The following KIF13B variants were observed in gnomAD, a reference collection of about 807,000 sequenced individuals.
KIF13B encodes kinesin family member 13B.
KIF13B carries 127 observed loss-of-function variants against 222.0 expected under a neutral mutation model. The observed-to-expected ratio is 0.57, with a 90% CI of 0.50 to 0.66. The LOEUF (loss-of-function observed/expected upper bound fraction) is 0.66, where lower values mean the gene tolerates loss of function less well. Ranked by LOEUF, KIF13B falls within the 30% of genes least tolerant of loss-of-function variation. The pLI, the probability that KIF13B is intolerant of heterozygous loss-of-function variation, is 0.00. For synonymous variants in KIF13B, 976 were observed against 919.0 expected (o/e 1.06, Z -1.12); for missense variants, 2,173 against 2,379.0 (o/e 0.91, Z 1.80).
intron 2 of KIF13B, among the ~76,000 whole-genome samples, chr8:29,237,726 T>C (rs905782310): frequency 6.6e-6 from 1 of 152,188 alleles, no homozygotes; most frequent in African/African-American, 2.4e-5. Context: ...TTTGCAAAAT[T>C]TGTATTTGCT....
intron 37 of KIF13B, among the ~76,000 whole-genome samples, chr8:29,088,050 G>C (rs1302288600): frequency 6.6e-6 from 1 of 151,946 alleles, no homozygotes. Context: ...GGCGGATCAC[G>C]ACATCAAGAG....
At chr8:29,245,138 AATTACTACCTCTAATACTC>A (rs1490928157) in intron 2 of KIF13B, among the ~76,000 whole-genome samples, 189 bp downstream of exon 2, 3 of 152,154 alleles carry the variant, frequency 2.0e-5, no homozygotes, top group Non-Finnish European at 4.4e-5. Context: ...CTTCTAATAC[AATTACTACCTCTAATACTC>A]ATTCAGGCAC....
At chr8:29,130,475 C>T in intron 24 of KIF13B, 58 bp downstream of exon 24, 8 of 1,559,696 alleles carry the variant, frequency 5.1e-6, no homozygotes, top group Non-Finnish European at 7.0e-6. Context: ...TAAAAAGAAG[C>T]CAATATTAAG....
chr8:29,230,949 G>A (rs1431724348), intron 2 of KIF13B, among the ~76,000 whole-genome samples: 1 of 152,072 alleles, frequency 6.6e-6, no homozygotes, highest in Non-Finnish European at 1.5e-5. Flanking sequence ...ACACCATCAC[G>A]GCTCACTGCA....
In KIF13B at chr8:29,070,860, T is replaced by G. The variant is rs1345892692; in HGVS notation, c.5219-94A>C. The G allele has an allele frequency of 2.2e-5, 30 of 1,352,916 alleles. No individual in the cohort carries two copies. The highest frequency in any genetic ancestry group is 3.1e-5 in the Non-Finnish European group (30 of 977,764). 83.8% of individuals were successfully genotyped at this position (1,352,916 alleles called of 1,614,324 possible). On this transcript the variant is annotated intron_variant, in intron 39 of 39. Coordinates refer to ENST00000524189, the MANE Select transcript of KIF13B (RefSeq NM_015254.4). The surrounding 1 kb of genome is among the most constrained non-coding windows in gnomAD (Gnocchi z 4.1). ...CTCTGCAGAGGCCATGTGCCCACACTGCCACCCCCCCGCACAGGCCCTACA... is the reference window on the plus strand; with the variant it reads ...CTCTGCAGAGGCCATGTGCCCACACGGCCACCCCCCCGCACAGGCCCTACA...
intron 35 of KIF13B, among the ~76,000 whole-genome samples, chr8:29,103,288 G>A (rs1586780410): frequency 1.3e-5 from 2 of 150,090 alleles, no homozygotes; most frequent in South Asian, 4.2e-4. Context: ...CAAAAAAAAT[G>A]ATTTTGTCTT....
At chr8:29,190,754 A>G (rs577933585) in intron 4 of KIF13B, 1 of 486,394 alleles carries the variant, frequency 2.1e-6, no homozygotes, top group Non-Finnish European at 3.8e-6. Flanking sequence ...CGCTGTCCCC[A>G]GGTAGAGAGC....
intron 1 of KIF13B, among the ~76,000 whole-genome samples, chr8:29,258,344 C>T: frequency 6.6e-6 from 1 of 152,186 alleles, no homozygotes; most frequent in East Asian, 1.9e-4. Context: ...TAAATCCTGC[C>T]CAGCTATGCC....
At chr8:29,220,549 A>G (rs535338428) in intron 2 of KIF13B, among the ~76,000 whole-genome samples, 182 of 139,202 alleles carry the variant, frequency 1.3e-3, no homozygotes, top group African/African-American at 5.2e-3. Context: ...AAATTTCTTT[A>G]TTTAAAAAAA....
At chr8:29,190,850 C>T (rs1405610365) in intron 4 of KIF13B, 147 bp downstream of exon 4, 1 of 742,428 alleles carries the variant, frequency 1.3e-6, no homozygotes, top group East Asian at 2.5e-5. Context: ...CACATTAAGT[C>T]ATCTTCTGTG....
intron 2 of KIF13B, among the ~76,000 whole-genome samples, chr8:29,235,692 A>G (rs1815476749): frequency 1.3e-5 from 2 of 152,350 alleles, no homozygotes; most frequent in South Asian, 4.1e-4. Flanking sequence ...TGGGATAAAC[A>G]TATAAAAGAT....
At chr8:29,162,929 C>T (rs1364971000) in intron 12 of KIF13B, among the ~76,000 whole-genome samples, 2 of 152,124 alleles carry the variant, frequency 1.3e-5, no homozygotes, top group Non-Finnish European at 2.9e-5. Context: ...CTGTCTTATT[C>T]ATTCCTGCTG....
chr8:29,075,346 G>C lies in KIF13B; in HGVS notation c.4459-3C>G. 6.4e-7 allele frequency: 1 copy of C among 1,556,978 alleles called. No homozygotes were observed. The highest frequency in any genetic ancestry group is 8.7e-7 in the Non-Finnish European group (1 of 1,149,908). ...TGCACCATGATGCGGGGCACGGGCT[G>C]AGGAGGCAAGTGTGCAGGTCAGGGG... On this transcript the variant is annotated splice_region_variant and splice_polypyrimidine_tract_variant and intron_variant, in intron 37 of 39. Coordinates refer to ENST00000524189, the MANE Select transcript of KIF13B (RefSeq NM_015254.4).
intron 37 of KIF13B, among the ~76,000 whole-genome samples, chr8:29,081,890 C>T (rs528189803): frequency 1.5e-4 from 23 of 152,278 alleles, no homozygotes; most frequent in Non-Finnish European, 2.9e-4. Context: ...TGTGTCTGGT[C>T]TTCCTGGATA....
chr8:29,158,855 A>G (rs986753084), intron 13 of KIF13B, among the ~76,000 whole-genome samples: 2 of 152,220 alleles, frequency 1.3e-5, no homozygotes, highest in Non-Finnish European at 2.9e-5. Flanking sequence ...CTCTCCAAAC[A>G]TCTTTAAACA....
At chr8:29,142,123 T>G in intron 19 of KIF13B, 34 bp downstream of exon 19, 1 of 1,585,878 alleles carries the variant, frequency 6.3e-7, no homozygotes, top group Non-Finnish European at 8.6e-7. Context: ...CTTCCATAAT[T>G]ACCAATTAAG....
At chr8:29,080,025 G>A (rs1465239342) in intron 37 of KIF13B, among the ~76,000 whole-genome samples, 1 of 152,124 alleles carries the variant, frequency 6.6e-6, no homozygotes, top group East Asian at 1.9e-4. Context: ...AAAATGTTCT[G>A]ATAAAAGTAA....
At chr8:29,177,898 G>C (rs890213705) in intron 8 of KIF13B, among the ~76,000 whole-genome samples, 1 of 152,184 alleles carries the variant, frequency 6.6e-6, no homozygotes, top group African/African-American at 2.4e-5. Context: ...GACACAGTGA[G>C]ACCCTGTCTC....
At chr8:29,151,335 A>T (rs2130026861) in intron 14 of KIF13B, among the ~76,000 whole-genome samples, 1 of 152,378 alleles carries the variant, frequency 6.6e-6, no homozygotes, top group Non-Finnish European at 1.5e-5. Flanking sequence ...TGCAAGGTGA[A>T]GCAGCAAGTG....
Sources: gnomAD v4.1 joint callset for allele counts (sites outside exome capture counted in the v4.1 genomes callset) on GRCh38, gnomAD v4.1.1 for gene constraint, Gnocchi (gnomAD v3.1) non-coding constraint, MANE v1.5 for transcripts, NCBI Gene and HGNC (gene_info 2026-07-23, HGNC 2026-07-21) for gene names.